The following PCDHA1 variants were observed in gnomAD, a reference collection of about 807,000 sequenced individuals.
PCDHA1 encodes protocadherin alpha 1.
PCDHA1 carries 42 observed loss-of-function variants against 61.3 expected under a neutral mutation model. The ratio of observed to expected loss-of-function variants is 0.69; its 90% confidence interval spans 0.54 to 0.89. The LOEUF is 0.89. Among genes scored for constraint, PCDHA1 ranks in the 40% least tolerant of loss-of-function variants. The pLI is 0.00. For missense variants in PCDHA1, 1,256 were observed against 1,235.3 expected (o/e 1.02, Z -0.25); for synonymous variants, 610 against 553.8 (o/e 1.10, Z -1.43).
Position 140,787,962 on chromosome 5 carries a change from G to C in PCDHA1, c.1672G>C (p.Glu558Gln). The C allele has an allele frequency of 1.2e-6, 2 of 1,613,946 alleles. No individual in the cohort carries two copies. Among genetic ancestry groups the C allele is most frequent in the Non-Finnish European group, 1.7e-6 (2 of 1,179,902 alleles). ...GACGCTGCAGGTGTTCGTGCTGGAC[G>C]AGAACGACAACGCGCCGGCGCTGCT... is the stretch of plus-strand genomic sequence containing the variant. ...NVTLQVFVLDENDNAPALLAP... is the reference protein window; with the variant it reads ...NVTLQVFVLDQNDNAPALLAP... The change falls in exon 1 of 4, where the codon GAG becomes CAG. Residue 558 changes from glutamate to glutamine, a missense_variant. By Grantham distance (29) the Glu-to-Gln change is conservative (BLOSUM62 2). Coordinates refer to ENST00000504120, the MANE Select transcript of PCDHA1 (RefSeq NM_018900.4).
chr5:140,843,221 A>C (rs2150355439), intron 1 of PCDHA1: 1 of 1,595,692 alleles, frequency 6.3e-7, no homozygotes, highest in Non-Finnish European at 8.6e-7. Flanking sequence ...GATCAGCACC[A>C]CTCGTGTCCT....
At chr5:140,884,378 A>G (rs781954919) in intron 1 of PCDHA1, 3 of 1,613,952 alleles carry the variant, frequency 1.9e-6, no homozygotes, top group Non-Finnish European at 2.5e-6. Flanking sequence ...GATCATTGCC[A>G]TCTGCGCGGT....
Position 141,009,659 on chromosome 5 carries a change from G to A in PCDHA1, c.2575G>A (p.Gly859Ser), listed in dbSNP as rs781996586. 3.0e-5 allele frequency: 48 copies of A among 1,613,808 alleles called. No individual in the cohort carries two copies. Among genetic ancestry groups the A allele is most frequent in the East Asian group, 4.5e-5 (2 of 44,878 alleles). The change falls in exon 4 of 4, where the codon GGT becomes AGT. Residue 859 changes from glycine (G) to serine (S), a missense_variant. Coordinates refer to ENST00000504120, the MANE Select transcript of PCDHA1 (RefSeq NM_018900.4). ...GGCAGGAGAAGTGTCCCCTCCAGTC[G>A]GTGCGGGTGTCAACAGCAACAGCTG... is the stretch of plus-strand genomic sequence containing the variant. ...PEAGEVSPPV[G>S]AGVNSNSWTF...
chr5:140,850,776 G>A (rs2150497794), intron 1 of PCDHA1: 1 of 1,598,166 alleles, frequency 6.3e-7, no homozygotes, highest in South Asian at 1.1e-5. Context: ...GGTGTGCTCT[G>A]GCGAGGGTAA....
At chr5:140,851,144 T>C in intron 1 of PCDHA1, 1 of 1,310,570 alleles carries the variant, frequency 7.6e-7, no homozygotes, top group Non-Finnish European at 9.9e-7. Context: ...TAAAGTGACA[T>C]TGAATTTCTG....
chr5:140,914,619 T>G (rs1554196515), intron 1 of PCDHA1, among the ~76,000 whole-genome samples: 1 of 152,194 alleles, frequency 6.6e-6, no homozygotes, highest in African/African-American at 2.4e-5. Context: ...TTTTGTAATT[T>G]GTTTTCTCGT....
chr5:140,841,945 C>A (rs1554138662), intron 1 of PCDHA1: 1 of 1,613,782 alleles, frequency 6.2e-7, no homozygotes, highest in African/African-American at 1.3e-5. Flanking sequence ...CTCCTGCGCA[C>A]CACTTATTCC....
intron 1 of PCDHA1, chr5:140,805,592 T>G (rs782553368): frequency 1.1e-6 from 1 of 931,810 alleles, no homozygotes; most frequent in Non-Finnish European, 1.3e-6. Flanking sequence ...CATTATGTCT[T>G]TATATATTAA....
chr5:141,003,741 A>G (rs1291595687), intron 3 of PCDHA1, among the ~76,000 whole-genome samples: 5 of 152,180 alleles, frequency 3.3e-5, no homozygotes, highest in South Asian at 2.1e-4. Flanking sequence ...AAGCAAAACC[A>G]TATTTTGTAT....
intron 1 of PCDHA1, chr5:140,853,279 A>T: frequency 1.0e-6 from 1 of 979,476 alleles, no homozygotes; most frequent in African/African-American, 1.8e-5. Flanking sequence ...CTCTCATCAT[A>T]TGCAAATTCT....
chr5:140,905,843 T>C (rs1554192236), intron 1 of PCDHA1, among the ~76,000 whole-genome samples: 1 of 152,126 alleles, frequency 6.6e-6, no homozygotes, highest in South Asian at 2.1e-4. Flanking sequence ...GGGAGTTTAT[T>C]AAGGAGTATT....
intron 1 of PCDHA1, chr5:140,841,892 C>G: frequency 6.2e-7 from 1 of 1,613,788 alleles, no homozygotes; most frequent in South Asian, 1.1e-5. Flanking sequence ...TGAGAATAAA[C>G]TGGTTGAGCT....
chr5:140,993,528 A>G (rs78672098), intron 3 of PCDHA1, among the ~76,000 whole-genome samples: 1 of 151,976 alleles, frequency 6.6e-6, no homozygotes, highest in Admixed American at 6.6e-5. Context: ...AGAGACAGAG[A>G]GAGAGAGAGA....
At chr5:140,908,013 G>A (rs2073743163) in intron 1 of PCDHA1, among the ~76,000 whole-genome samples, 1 of 152,070 alleles carries the variant, frequency 6.6e-6, no homozygotes, top group Non-Finnish European at 1.5e-5. Context: ...CAAACCACTG[G>A]CTACAGCCCA....
In PCDHA1 at chr5:140,801,127, A is replaced by C. The variant is rs1285263888; in HGVS notation, c.2394+12443A>C. ...ACACCGAGGAGTTTAAGAAATGAAG[A>C]TAAGGAACTCGAATTATTTTTAAAC... On this transcript the variant is annotated intron_variant, in intron 1 of 3. Coordinates refer to ENST00000504120, the MANE Select transcript of PCDHA1 (RefSeq NM_018900.4). 2.6e-6 allele frequency: 4 copies of C among 1,520,548 alleles called. No individual in the cohort carries two copies. In the East Asian group the frequency reaches 9.1e-5, roughly 34 times the overall value. The allele number at this position is 1,520,548 out of a possible 1,614,324, so 94.2% of individuals were successfully genotyped here.
chr5:140,802,179 C>A (rs146951816), intron 1 of PCDHA1: 3 of 1,614,140 alleles, frequency 1.9e-6, no homozygotes, highest in Non-Finnish European at 8.5e-7. Flanking sequence ...TAAAGGAAAT[C>A]CCCCAATGTC....
intron 1 of PCDHA1, chr5:140,869,913 C>G: frequency 6.2e-7 from 1 of 1,610,754 alleles, no homozygotes; most frequent in Non-Finnish European, 8.5e-7. Flanking sequence ...CAGACCGAGA[C>G]GAAGGAGTCA....
chr5:140,924,527 G>T (rs2081885403), intron 1 of PCDHA1, among the ~76,000 whole-genome samples: 1 of 152,074 alleles, frequency 6.6e-6, no homozygotes. Context: ...AAAAGAGAAT[G>T]CCCGAGCTAC....
intron 1 of PCDHA1, among the ~76,000 whole-genome samples, chr5:140,920,489 A>G (rs1323711960): frequency 2.6e-5 from 4 of 152,182 alleles, no homozygotes; most frequent in African/African-American, 9.7e-5. Flanking sequence ...TGGTCCAACA[A>G]TAGAGTTCTA....
Sources: gnomAD v4.1 joint callset for allele counts (sites outside exome capture counted in the v4.1 genomes callset) on GRCh38, gnomAD v4.1.1 for gene constraint, MANE v1.5 for transcripts, NCBI Gene and HGNC (gene_info 2026-07-23, HGNC 2026-07-21) for gene names.